Variants in TIPARP observed in about 807,000 individuals in gnomAD.
TIPARP encodes TCDD inducible poly(ADP-ribose) polymerase.
A neutral mutation model predicts 56.5 loss-of-function variants in TIPARP; 12 were observed. That is an observed-to-expected ratio of 0.21 (90% CI 0.14 to 0.34). The LOEUF (loss-of-function observed/expected upper bound fraction) is 0.34. Ranked by LOEUF, TIPARP falls within the 10% of genes least tolerant of loss-of-function variation. The probability of loss-of-function intolerance (pLI) is 1.00; values close to 1 mark genes in which losing one functional copy is unlikely to be tolerated. For missense variants in TIPARP, 604 were observed against 781.6 expected, an observed-to-expected ratio of 0.77 and a Z score of 2.71; for synonymous variants, 296 against 265.7, an observed-to-expected ratio of 1.11 and a Z score of -1.11.
chr3:156,677,792 A>C lies in TIPARP; in HGVS notation c.95A>C (p.Lys32Thr). Reference sequence around the variant, plus strand: ...TCATGCCAAATGAGACTCTCTGAGAAGATCACTCCATTGAAGACTTGTTTT... The same window carrying C: ...TCATGCCAAATGAGACTCTCTGAGACGATCACTCCATTGAAGACTTGTTTT... The part of the protein sequence containing the change: ...DFSCQMRLSE[K>T]ITPLKTCFKK... The change falls in exon 2 of 6, where the codon AAG (lysine) becomes ACG (threonine). Residue 32 changes from lysine to threonine, a missense_variant. Around this residue, in one of 4 missense-constraint regions of TIPARP, gnomAD observed 261 missense variants for 279.2 expected, o/e 0.93. Transcript: ENST00000295924. 1 of 1,614,204 alleles carries C rather than the reference A, an allele frequency of 6.2e-7. No homozygotes were observed. Among genetic ancestry groups the C allele is most frequent in the Non-Finnish European group, 8.5e-7 (1 of 1,180,040 alleles).
chr3:156,699,578 G>T lies in TIPARP; in HGVS notation c.1247+3553G>T, dbSNP rs1722796406. Among the ~76,000 whole-genome samples, 7 of 151,984 alleles carry T rather than the reference G, an allele frequency of 4.6e-5. No individual in the cohort carries two copies. In the South Asian group the frequency reaches 1.5e-3, roughly 32 times the overall value. On this transcript the variant is annotated intron_variant, in intron 4 of 5. Coordinates refer to ENST00000295924, the MANE Select transcript of TIPARP (RefSeq NM_015508.5). ...GCTATTATGTACTGAATAGACTATG[G>T]TATAGTATAAACATAACTTTTATAT...
At chr3:156,699,790 T>C (rs1213050977) in intron 4 of TIPARP, among the ~76,000 whole-genome samples, 1 of 152,160 alleles carries the variant, frequency 6.6e-6, no homozygotes, top group Middle Eastern at 3.2e-3. Context: ...TTAATCTTTC[T>C]GTCTAAAACT....
In TIPARP at chr3:156,677,765, T is replaced by C; in HGVS notation, c.68T>C (p.Phe23Ser). The change falls in exon 2 of 6, where the codon TTT (phenylalanine) becomes TCT (serine). Residue 23 changes from phenylalanine (F) to serine (S), a missense_variant. Transcript: ENST00000295924. ...CAGCCTCCCTCTCCTCCTGATGACT[T>C]TTCATGCCAAATGAGACTCTCTGAG... ...VVQPPSPPDD[F>S]SCQMRLSEKI... 6.8e-6 allele frequency: 11 copies of C among 1,613,950 alleles called. No individual in the cohort carries two copies. The highest frequency in any genetic ancestry group is 9.3e-6 in the Non-Finnish European group (11 of 1,179,968).
intron 4 of TIPARP, among the ~76,000 whole-genome samples, chr3:156,702,611 ATTTCC>A (rs1038381861): frequency 1.3e-5 from 2 of 152,188 alleles, no homozygotes. Context: ...CAGGGTCAGG[ATTTCC>A]TTGCTCTCTT....
Position 156,703,590 on chromosome 3 carries a change from A to G in TIPARP, c.1414A>G (p.Lys472Glu), listed in dbSNP as rs757698240. The G allele has an allele frequency of 4.3e-6, 7 of 1,614,248 alleles. No homozygotes were observed. Among genetic ancestry groups the G allele is most frequent in the Middle Eastern group, 1.6e-4 (1 of 6,062 alleles). The change falls in exon 5 of 6, where the codon AAA becomes GAA. Residue 472 changes from lysine (K) to glutamate (E), a missense_variant. Physicochemically the swap from Lys to Glu is moderately conservative, Grantham distance 56. This residue lies in a region of TIPARP where 252 missense variants were observed against 303.9 expected (regional missense o/e 0.83). Transcript: ENST00000295924. ...CCAAGTCCCTGTTTCTGCAGAGGAT[A>G]AAAGTTATCGGATCATTTACAATCT... ...FIQVPVSAED[K>E]SYRIIYNLFH...
intron 5 of TIPARP, among the ~76,000 whole-genome samples, chr3:156,704,335 T>G (rs1342183991): frequency 6.6e-5 from 10 of 152,120 alleles, no homozygotes; most frequent in Admixed American, 6.5e-4. Context: ...GTCAACAAAC[T>G]AATGAAGGAC....
chr3:156,681,511 G>A (rs1722305907), intron 2 of TIPARP, among the ~76,000 whole-genome samples: 1 of 152,156 alleles, frequency 6.6e-6, no homozygotes, highest in Admixed American at 6.5e-5. Context: ...AAACTGTACA[G>A]ATAAAATCTT....
At chr3:156,687,478 G>A (rs1159169281) in intron 2 of TIPARP, among the ~76,000 whole-genome samples, 1 of 152,166 alleles carries the variant, frequency 6.6e-6, no homozygotes, top group Non-Finnish European at 1.5e-5. Context: ...CAATATTTTA[G>A]TAGGTTCTTT....
At chr3:156,676,110 A>G (rs1426558830) in intron 1 of TIPARP, among the ~76,000 whole-genome samples, 1 of 152,142 alleles carries the variant, frequency 6.6e-6, no homozygotes, top group South Asian at 2.1e-4. Context: ...CCGGTTTGGT[A>G]TGGTGGAGAG....
rs768539321 is a variant in TIPARP, at chr3:156,694,057, G to A, written c.955G>A (p.Val319Met). The A allele has an allele frequency of 6.8e-6, 11 of 1,611,946 alleles. No homozygotes were observed. Among genetic ancestry groups the A allele is most frequent in the Middle Eastern group, 1.6e-4 (1 of 6,080 alleles). ...TTGGGCAGATTTGAATGCCATGAAC[G>A]TGTATGAAACAACTGAATTTGACCA... ...EFWADLNAMN[V>M]YETTEFDQLR... The change falls in exon 3 of 6, where the codon GTG becomes ATG. Residue 319 changes from valine to methionine, a missense_variant. This residue lies in a region of TIPARP where 252 missense variants were observed against 303.9 expected (regional missense o/e 0.83). Transcript: ENST00000295924.
chr3:156,692,732 T>C (rs1216678891), intron 2 of TIPARP, among the ~76,000 whole-genome samples: 1 of 152,190 alleles, frequency 6.6e-6, no homozygotes, highest in Non-Finnish European at 1.5e-5. Context: ...TTGTATAATC[T>C]GTTTTTCAAA....
At position 156,678,044 on chromosome 3, in the gene TIPARP, A is replaced by G. The variant is rs1466292816; in HGVS notation, c.347A>G (p.Asn116Ser). The part of the protein sequence containing the change: ...NMSVLIPDRT[N>S]VGDQIPEAHP... Reference sequence around the variant, plus strand: ...TCTGTTCTGATTCCTGATAGGACAAATGTTGGGGACCAGATACCGGAAGCC... The same window carrying G: ...TCTGTTCTGATTCCTGATAGGACAAGTGTTGGGGACCAGATACCGGAAGCC... The change falls in exon 2 of 6, where the codon AAT becomes AGT. Residue 116 changes from asparagine (N) to serine (S), a missense_variant. Around this residue, in one of 4 missense-constraint regions of TIPARP, gnomAD observed 261 missense variants for 279.2 expected, o/e 0.93. Coordinates refer to ENST00000295924, the MANE Select transcript of TIPARP (RefSeq NM_015508.5). The G allele has an allele frequency of 1.9e-6, 3 of 1,614,110 alleles. No individual in the cohort carries two copies. The South Asian group carries it at 3.3e-5, about 18-fold the overall frequency.
At position 156,703,709 on chromosome 3, in the gene TIPARP, C is replaced by G; in HGVS notation, c.1526+7C>G. ...TTTGGGAGAAATATAAAAGGTGAGT[C>G]AGATGTATGAAAAGTTCAAGACGGC... On this transcript the variant is annotated splice_region_variant and intron_variant, in intron 5 of 5. Transcript: ENST00000295924. 6.2e-7 allele frequency: 1 copy of G among 1,604,614 alleles called. No homozygotes were observed. Among genetic ancestry groups the G allele is most frequent in the South Asian group, 1.1e-5 (1 of 90,386 alleles).
intron 3 of TIPARP, among the ~76,000 whole-genome samples, chr3:156,695,108 GTACTC>G (rs1425372731): frequency 2.0e-5 from 3 of 152,052 alleles, no homozygotes; most frequent in African/African-American, 7.2e-5. Flanking sequence ...TGTTTAAAAT[GTACTC>G]TCAGAATACT....
chr3:156,675,157 C>T (rs1324152659), intron 1 of TIPARP: 1 of 118,858 alleles, frequency 8.4e-6, no homozygotes, highest in East Asian at 2.6e-4. Flanking sequence ...TCTGAGGCGC[C>T]TAGGAGCCCT....
At chr3:156,697,404 A>C (rs1722741412) in intron 4 of TIPARP, among the ~76,000 whole-genome samples, 1 of 142,000 alleles carries the variant, frequency 7.0e-6, no homozygotes, top group African/African-American at 2.6e-5. Flanking sequence ...CATGATAAGT[A>C]ATTATGGAAT....
At chr3:156,679,040 G>T (rs1221482847) in intron 2 of TIPARP, among the ~76,000 whole-genome samples, 1 of 152,084 alleles carries the variant, frequency 6.6e-6, no homozygotes, top group African/African-American at 2.4e-5. Flanking sequence ...TAGTATTGTC[G>T]AGAGATGTTT....
intron 4 of TIPARP, among the ~76,000 whole-genome samples, chr3:156,700,621 A>G (rs1460983382): frequency 6.6e-6 from 1 of 152,184 alleles, no homozygotes; most frequent in Non-Finnish European, 1.5e-5. Flanking sequence ...TGCATAAGCA[A>G]ACAAAGCTTA....
intron 2 of TIPARP, among the ~76,000 whole-genome samples, chr3:156,689,278 CTT>C (rs1211677993): frequency 6.6e-6 from 1 of 152,134 alleles, no homozygotes; most frequent in African/African-American, 2.4e-5. Context: ...ATCCTAGACT[CTT>C]TTCACTCTCT....
Sources: allele counts gnomAD v4.1 joint callset (sites outside exome capture counted in the v4.1 genomes callset), GRCh38; gene constraint gnomAD v4.1.1; regional missense constraint gnomAD v4.1.1; transcripts MANE v1.5; gene names NCBI Gene and HGNC (gene_info 2026-07-23, HGNC 2026-07-21).